Variants in AKR1C8 observed in about 807,000 individuals in gnomAD.
AKR1C8 encodes the protein aldo-keto reductase family 1 member C8, also known as aldo-keto reductase family 1 member C-like protein 1.
the AKR1C8 span, among the ~76,000 whole-genome samples, chr10:5,148,967 G>C: frequency 6.6e-6 from 1 of 151,982 alleles, no homozygotes; most frequent in South Asian, 2.1e-4. Context: ...AAGATGCCAA[G>C]GTCAGATTAC....
the AKR1C8 span, among the ~76,000 whole-genome samples, chr10:5,134,392 G>A: frequency 6.6e-6 from 1 of 152,130 alleles, no homozygotes; most frequent in African/African-American, 2.4e-5. Flanking sequence ...GCACTTAGTA[G>A]CCTTGGAATA....
At chr10:5,148,625 T>C in the AKR1C8 span, among the ~76,000 whole-genome samples, 1 of 152,174 alleles carries the variant, frequency 6.6e-6, no homozygotes, top group Non-Finnish European at 1.5e-5. Context: ...GAATCTACTA[T>C]CTTACACGTG....
chr10:5,156,942 G>C, the AKR1C8 span, among the ~76,000 whole-genome samples: 2 of 152,156 alleles, frequency 1.3e-5, no homozygotes, highest in Non-Finnish European at 2.9e-5. Context: ...AACAAAATAA[G>C]TTGGAGACCT....
chr10:5,178,673 A>AG, the AKR1C8 span, among the ~76,000 whole-genome samples: 23 of 152,088 alleles, frequency 1.5e-4, no homozygotes, highest in African/African-American at 5.3e-4. Context: ...CCTGTATTGG[A>AG]TGCATATATA....
the AKR1C8 span, among the ~76,000 whole-genome samples, chr10:5,122,885 G>A: frequency 6.6e-6 from 1 of 151,836 alleles, no homozygotes; most frequent in Non-Finnish European, 1.5e-5. Context: ...CTACTATAAA[G>A]AAAACTCTAA....
chr10:5,151,095 A>T, the AKR1C8 span, among the ~76,000 whole-genome samples: 1 of 152,094 alleles, frequency 6.6e-6, no homozygotes, highest in Admixed American at 6.6e-5. Context: ...GCACTGAGTC[A>T]GTTCATGGGT....
the AKR1C8 span, among the ~76,000 whole-genome samples, chr10:5,170,809 A>G: frequency 6.6e-6 from 1 of 152,184 alleles, no homozygotes; most frequent in East Asian, 1.9e-4. Flanking sequence ...GTCCTGTTAC[A>G]AAACAAAAAC....
the AKR1C8 span, among the ~76,000 whole-genome samples, chr10:5,174,742 A>G: frequency 6.6e-6 from 1 of 152,094 alleles, no homozygotes; most frequent in Non-Finnish European, 1.5e-5. Context: ...AAAAACAGGA[A>G]AAAGTGTTTT....
At chr10:5,156,756 T>A in the AKR1C8 span, among the ~76,000 whole-genome samples, 7 of 152,182 alleles carry the variant, frequency 4.6e-5, no homozygotes, top group Non-Finnish European at 8.8e-5. Flanking sequence ...TTTACCTATT[T>A]AATTTTTCCA....
chr10:5,171,168 A>G, the AKR1C8 span, among the ~76,000 whole-genome samples: 52 of 152,232 alleles, frequency 3.4e-4, 1 homozygote, highest in African/African-American at 1.2e-3. Flanking sequence ...TACAATCTCC[A>G]AAGTTATCAG....
chr10:5,134,982 G>A, the AKR1C8 span, among the ~76,000 whole-genome samples: 1 of 152,160 alleles, frequency 6.6e-6, no homozygotes, highest in Non-Finnish European at 1.5e-5. Flanking sequence ...AACAAAGATT[G>A]ACTACCTTTT....
the AKR1C8 span, among the ~76,000 whole-genome samples, chr10:5,120,250 T>C: frequency 6.6e-6 from 1 of 152,188 alleles, no homozygotes; most frequent in Non-Finnish European, 1.5e-5. Context: ...TGCTTATCAC[T>C]GGCTTACTGT....
the AKR1C8 span, chr10:5,154,191 GA>G: frequency 8.5e-6 from 4 of 470,116 alleles, no homozygotes; most frequent in Admixed American, 7.1e-5. Context: ...CACTGAAAGA[GA>G]AAAAATATTA....
the AKR1C8 span, among the ~76,000 whole-genome samples, chr10:5,166,384 A>G: frequency 6.6e-6 from 1 of 152,210 alleles, no homozygotes; most frequent in East Asian, 1.9e-4. Context: ...CTGACTTCAA[A>G]CTATACTACA....
chr10:5,132,776 G>A, the AKR1C8 span: 42 of 1,274,938 alleles, frequency 3.3e-5, no homozygotes, highest in Admixed American at 6.3e-5. Flanking sequence ...GAACCCGGAG[G>A]AGTAATGAAA....
chr10:5,171,780 A>T, the AKR1C8 span, among the ~76,000 whole-genome samples: 184 of 152,216 alleles, frequency 1.2e-3, 1 homozygote, highest in African/African-American at 4.3e-3. Context: ...ATGTTTACAC[A>T]CAGAATTTCC....
At chr10:5,176,217 C>T in the AKR1C8 span, among the ~76,000 whole-genome samples, 1 of 143,318 alleles carries the variant, frequency 7.0e-6, no homozygotes, top group African/African-American at 2.5e-5. Flanking sequence ...TTTCCCAGCA[C>T]CATTTATTAA....
At chr10:5,183,375 A>G in the AKR1C8 span, among the ~76,000 whole-genome samples, 187 of 152,300 alleles carry the variant, frequency 1.2e-3, 1 homozygote, top group African/African-American at 4.4e-3. Context: ...AGACATAACT[A>G]TAACTACCAA....
chr10:5,121,642 C>T, the AKR1C8 span, among the ~76,000 whole-genome samples: 1 of 152,056 alleles, frequency 6.6e-6, no homozygotes, highest in African/African-American at 2.4e-5. Context: ...CATTTACCTA[C>T]CTGGGCCCAT....
Sources: allele counts gnomAD v4.1 joint callset (sites outside exome capture counted in the v4.1 genomes callset), GRCh38; gene constraint gnomAD v4.1.1; transcripts MANE v1.5; gene names NCBI Gene and HGNC (gene_info 2026-07-23, HGNC 2026-07-21).